The following RTN1 variants were observed in gnomAD, a reference collection of about 807,000 sequenced individuals.
The protein encoded by RTN1 is reticulon-1.
A neutral mutation model predicts 65.5 loss-of-function variants in RTN1; 25 were observed. The observed-to-expected ratio is 0.38, with a 90% CI of 0.28 to 0.53. The LOEUF (loss-of-function observed/expected upper bound fraction) is 0.53. Among genes scored for constraint, RTN1 ranks in the 20% least tolerant of loss-of-function variants. RTN1 has a pLI of 0.79. For missense variants in RTN1, 983 were observed against 1,025.4 expected, an observed-to-expected ratio of 0.96 and a Z score of 0.57; for synonymous variants, 471 against 447.6, an observed-to-expected ratio of 1.05 and a Z score of -0.66.
chr14:59,767,827 T>C (rs1885879496), intron 1 of RTN1, among the ~76,000 whole-genome samples: 1 of 152,196 alleles, frequency 6.6e-6, no homozygotes, highest in African/African-American at 2.4e-5. Context: ...TGGGCCAGAG[T>C]GCAAATACTA....
intron 3 of RTN1, among the ~76,000 whole-genome samples, chr14:59,686,811 C>T (rs1431225549): frequency 1.3e-5 from 2 of 152,246 alleles, no homozygotes; most frequent in Non-Finnish European, 2.9e-5. Flanking sequence ...GAGGGAAAGA[C>T]GCTGGGAAAA....
intron 1 of RTN1, among the ~76,000 whole-genome samples, chr14:59,749,404 C>CTATA (rs1327352334): frequency 6.5e-5 from 2 of 30,922 alleles, no homozygotes; most frequent in African/African-American, 6.7e-4. Flanking sequence ...CTATATATAT[C>CTATA]TATATCTATA....
At chr14:59,687,249 T>A (rs1883864991) in intron 3 of RTN1, among the ~76,000 whole-genome samples, 1 of 152,060 alleles carries the variant, frequency 6.6e-6, no homozygotes, top group African/African-American at 2.4e-5. Flanking sequence ...ATTTGGAGCA[T>A]CTGCTTGCCT....
At chr14:59,708,875 G>T (rs1052890957) in intron 3 of RTN1, among the ~76,000 whole-genome samples, 6 of 152,148 alleles carry the variant, frequency 3.9e-5, no homozygotes, top group African/African-American at 1.2e-4. Flanking sequence ...TGGGAAAAAA[G>T]AAAATCCATC....
rs1887207169 is a variant in RTN1 at position 59,836,019 on chromosome 14, T to G, written c.241+34371A>C. ...GCCTTTTTCCAGGTCCTTGGCTCTA[T>G]TCTTCCCTCCCATCACTTCAATTCT... On this transcript the variant is annotated intron_variant, in intron 1 of 8. Transcript: ENST00000267484. The surrounding 1 kb of genome is among the most constrained non-coding windows in gnomAD (Gnocchi z 4.9). 6.6e-6 allele frequency among the ~76,000 whole-genome samples: 1 copy of G among 152,176 alleles called. No individual in the cohort carries two copies. Among genetic ancestry groups the G allele is most frequent in the Non-Finnish European group, 1.5e-5 (1 of 68,028 alleles).
At chr14:59,832,863 T>C (rs1478658492) in intron 1 of RTN1, among the ~76,000 whole-genome samples, 1 of 152,200 alleles carries the variant, frequency 6.6e-6, no homozygotes, top group Admixed American at 6.5e-5. Context: ...TTGTTGGTCA[T>C]GGAAACTCCC....
At position 59,602,984 on chromosome 14, in the gene RTN1, T is replaced by G. The variant is rs566039136; in HGVS notation, c.2288+81A>C. The G allele has an allele frequency of 2.4e-5, 25 of 1,024,950 alleles. No individual in the cohort carries two copies. The African/African-American group carries it at 2.6e-4, about 11-fold the overall frequency. 63.5% of individuals were successfully genotyped at this position (1,024,950 alleles called of 1,614,324 possible). On this transcript the variant is annotated intron_variant, in intron 8 of 8. Transcript: ENST00000267484. ...TAAATCAATCTATCATTTTACTATC[T>G]TCTCATTACCCCTATCCTAATCCAC...
chr14:59,862,734 T>C (rs1010768203), intron 1 of RTN1, among the ~76,000 whole-genome samples: 2 of 152,164 alleles, frequency 1.3e-5, no homozygotes, highest in African/African-American at 2.4e-5. Flanking sequence ...CAAGATAACA[T>C]ATACAGTGAT....
chr14:59,635,557 T>C (rs762577236), intron 3 of RTN1, among the ~76,000 whole-genome samples: 8 of 152,234 alleles, frequency 5.3e-5, no homozygotes, highest in Non-Finnish European at 1.0e-4. Flanking sequence ...AAAAGCATTC[T>C]ACAGTCCTTT....
chr14:59,862,627 C>A (rs1047889038), intron 1 of RTN1, among the ~76,000 whole-genome samples: 7 of 152,162 alleles, frequency 4.6e-5, no homozygotes, highest in African/African-American at 7.2e-5. Flanking sequence ...CTATATACTG[C>A]CTTGCATATA....
At chr14:59,808,943 T>C (rs1453053938) in intron 1 of RTN1, among the ~76,000 whole-genome samples, 1 of 152,172 alleles carries the variant, frequency 6.6e-6, no homozygotes, top group Non-Finnish European at 1.5e-5. Flanking sequence ...GCTTCCTGTA[T>C]AGCCTGCAAA....
chr14:59,604,003 T>C (rs1301745677), intron 5 of RTN1, 82 bp from the exon 6 acceptor site: 2 of 1,069,782 alleles, frequency 1.9e-6, no homozygotes, highest in Non-Finnish European at 2.9e-6. Context: ...TTACCTAGAT[T>C]TGAATTTGAG....
chr14:59,851,469 A>C (rs1482731605), intron 1 of RTN1, among the ~76,000 whole-genome samples: 1 of 152,220 alleles, frequency 6.6e-6, no homozygotes, highest in African/African-American at 2.4e-5. Flanking sequence ...ATTCACTTTC[A>C]AAACAGGGGA....
chr14:59,720,133 G>A (rs115956043), intron 3 of RTN1, among the ~76,000 whole-genome samples: 100 of 152,118 alleles, frequency 6.6e-4, no homozygotes, highest in African/African-American at 2.4e-3. Context: ...ACACATCTTG[G>A]AATTGAAGTG....
intron 1 of RTN1, among the ~76,000 whole-genome samples, chr14:59,756,386 T>C (rs371032285): frequency 1.1e-4 from 16 of 152,210 alleles, no homozygotes; most frequent in African/African-American, 3.1e-4. Context: ...TTTTGAAGAA[T>C]AGGTTTAGTG....
Position 59,819,702 on chromosome 14 carries a change from C to T in RTN1, c.241+50688G>A, listed in dbSNP as rs902635063. ...CTCCGGCATGGCGGGCTGCAGGTCC[C>T]GAACCCTGCCTTGTGGGGAGGCGGC... On this transcript the variant is annotated intron_variant, in intron 1 of 8. Coordinates refer to ENST00000267484, the MANE Select transcript of RTN1 (RefSeq NM_021136.3). Among the ~76,000 whole-genome samples, 20 of 152,180 alleles carry T rather than the reference C, an allele frequency of 1.3e-4. 1 individual carries two copies. Among genetic ancestry groups the T allele is most frequent in the Admixed American group, 8.5e-4 (13 of 15,294 alleles).
chr14:59,658,457 G>C (rs1883171977), intron 3 of RTN1, among the ~76,000 whole-genome samples: 1 of 152,212 alleles, frequency 6.6e-6, no homozygotes, highest in East Asian at 1.9e-4. Context: ...CCTCCAGCAG[G>C]GGTCAACAGA....
chr14:59,608,302 A>G (rs141149568), intron 3 of RTN1, among the ~76,000 whole-genome samples: 1 of 152,356 alleles, frequency 6.6e-6, no homozygotes, highest in East Asian at 1.9e-4. Flanking sequence ...TCACAACCAA[A>G]TGTAAGTGGT....
At position 59,745,933 on chromosome 14, in the gene RTN1, T is replaced by G. The variant is rs144110747; in HGVS notation, c.790A>C (p.Ile264Leu). Residue 264 changes from isoleucine to leucine, a missense_variant, in exon 2 of 9, where the codon ATA becomes CTA. Physicochemically the swap from Ile to Leu is conservative, Grantham distance 5. Coordinates refer to ENST00000267484, the MANE Select transcript of RTN1 (RefSeq NM_021136.3). ...CGCTGTTCTTCAGAGAGATCATCTA[T>G]GTATGGAGCAAATGTGGATTCTTCC... ...LLEESTFAPY[I>L]DDLSEEQRRA... 1.1e-5 allele frequency: 17 copies of G among 1,614,138 alleles called. No homozygotes were observed. In the African/African-American group the frequency reaches 2.3e-4, roughly 22 times the overall value.
Sources: gnomAD v4.1 joint callset for allele counts (sites outside exome capture counted in the v4.1 genomes callset) on GRCh38, gnomAD v4.1.1 for gene constraint, Gnocchi (gnomAD v3.1) non-coding constraint, MANE v1.5 for transcripts, NCBI Gene and HGNC (gene_info 2026-07-23, HGNC 2026-07-21) for gene names.